Variants in IQCM observed in about 807,000 individuals in gnomAD.
The protein encoded by IQCM is IQ motif containing M.
In IQCM, 45 loss-of-function variants were observed where a neutral mutation model predicts 57.6. The ratio of observed to expected loss-of-function variants is 0.78; its 90% CI spans 0.62 to 1.00. The LOEUF (loss-of-function observed/expected upper bound fraction) is 1.00, where lower values mean the gene tolerates loss of function less well. Ranked by LOEUF, IQCM falls within the 50% of genes least tolerant of loss-of-function variation. The pLI, the probability that IQCM is intolerant of heterozygous loss-of-function variation, is 0.00. For synonymous variants in IQCM, 148 were observed against 158.9 expected, an observed-to-expected ratio of 0.93 and a Z score of 0.51; for missense variants, 468 against 511.6, an observed-to-expected ratio of 0.91 and a Z score of 0.82.
intron 7 of IQCM, among the ~76,000 whole-genome samples, chr4:149,664,679 C>T (rs1760532374): frequency 6.6e-6 from 1 of 152,122 alleles, no homozygotes; most frequent in Admixed American, 6.5e-5. Context: ...AGCATGTTTA[C>T]TCATAACGGA....
chr4:149,655,298 C>T lies in IQCM; in HGVS notation c.565+26820G>A, dbSNP rs550254021. Among the ~76,000 whole-genome samples the T allele has an allele frequency of 3.3e-5, 5 of 152,208 alleles. No homozygotes were observed. In the South Asian group the frequency reaches 1.0e-3, roughly 32 times the overall value. On this transcript the variant is annotated intron_variant, in intron 7 of 13. Coordinates refer to ENST00000636793, the MANE Select transcript of IQCM (RefSeq NM_001363507.2). ...CAGAGTACACAATGAGCAGGAGATA[C>T]CTCAATTTCAGACATAAAAATTCTT...
chr4:149,655,718 TAGTG>T (rs1759580813), intron 7 of IQCM, among the ~76,000 whole-genome samples: 1 of 152,054 alleles, frequency 6.6e-6, no homozygotes, highest in Non-Finnish European at 1.5e-5. Context: ...ATATGTAAAA[TAGTG>T]AGAAACACCA....
chr4:149,673,231 AAC>A (rs1181438156), intron 7 of IQCM, among the ~76,000 whole-genome samples: 1 of 152,176 alleles, frequency 6.6e-6, no homozygotes, highest in Non-Finnish European at 1.5e-5. Flanking sequence ...TGAGCAAAAT[AAC>A]CAGCTAACAT....
intron 7 of IQCM, among the ~76,000 whole-genome samples, chr4:149,632,720 A>T (rs1757373153): frequency 6.6e-6 from 1 of 152,186 alleles, no homozygotes; most frequent in South Asian, 2.1e-4. Context: ...GGAGGAAACT[A>T]GCTTGTGACC....
chr4:149,668,904 T>C (rs1054382123), intron 7 of IQCM, among the ~76,000 whole-genome samples: 2 of 151,936 alleles, frequency 1.3e-5, no homozygotes, highest in Admixed American at 1.3e-4. Flanking sequence ...GAGAAAGGGG[T>C]GAAAAGTGAG....
chr4:149,472,665 A>G (rs1197644864), intron 12 of IQCM, among the ~76,000 whole-genome samples: 1 of 152,168 alleles, frequency 6.6e-6, no homozygotes, highest in Non-Finnish European at 1.5e-5. Context: ...CATTGCCAAG[A>G]CAATCTTAAG....
At position 149,721,387 on chromosome 4, in the gene IQCM, C is replaced by A. The variant is rs145067034; in HGVS notation, c.385+11857G>T. Among the ~76,000 whole-genome samples the A allele has an allele frequency of 5.0e-3, 754 of 152,092 alleles. 3 individuals are homozygous for A. The highest frequency in any genetic ancestry group is 0.017 in the African/African-American group (717 of 41,506). On this transcript the variant is annotated intron_variant, in intron 5 of 13. Transcript: ENST00000636793. ...AAGTCTTGAATTTTAGTGTACCCAT[C>A]ACCCAAATAGTGTACATGGTAATCC...
At chr4:149,561,517 T>C (rs1182402493) in intron 10 of IQCM, among the ~76,000 whole-genome samples, 1 of 152,124 alleles carries the variant, frequency 6.6e-6, no homozygotes, top group Non-Finnish European at 1.5e-5. Context: ...TCAAATACAA[T>C]CAAATACAAT....
chr4:149,627,039 T>C (rs149586123), intron 7 of IQCM, among the ~76,000 whole-genome samples: 1 of 152,274 alleles, frequency 6.6e-6, no homozygotes, highest in East Asian at 1.9e-4. Context: ...ACTTAGACAC[T>C]ACAGCTCCAA....
intron 7 of IQCM, among the ~76,000 whole-genome samples, chr4:149,660,482 G>A (rs1760082645): frequency 6.6e-6 from 1 of 152,090 alleles, no homozygotes; most frequent in South Asian, 2.1e-4. Flanking sequence ...CCATTACTGG[G>A]TATATACCCA....
At chr4:149,664,245 C>T (rs1383239977) in intron 7 of IQCM, among the ~76,000 whole-genome samples, 1 of 151,946 alleles carries the variant, frequency 6.6e-6, no homozygotes, top group African/African-American at 2.4e-5. Flanking sequence ...TTGTATCTCC[C>T]TGAGCTTCCT....
intron 12 of IQCM, among the ~76,000 whole-genome samples, chr4:149,533,367 A>G (rs1375028540): frequency 6.6e-6 from 1 of 152,152 alleles, no homozygotes; most frequent in Non-Finnish European, 1.5e-5. Context: ...TTCATTTCCC[A>G]ACAGCAACAG....
intron 8 of IQCM, among the ~76,000 whole-genome samples, chr4:149,599,531 G>C (rs367803205): frequency 6.6e-6 from 1 of 151,278 alleles, no homozygotes; most frequent in Non-Finnish European, 1.5e-5. Context: ...CTTTTTTTTT[G>C]AGTATTATTC....
At chr4:149,719,688 G>A (rs1200319999) in intron 5 of IQCM, among the ~76,000 whole-genome samples, 3 of 152,138 alleles carry the variant, frequency 2.0e-5, no homozygotes, top group Non-Finnish European at 4.4e-5. Flanking sequence ...ATTTCACACT[G>A]TCTTCTGTGA....
At chr4:149,606,606 C>A (rs977429021) in intron 8 of IQCM, among the ~76,000 whole-genome samples, 2 of 152,076 alleles carry the variant, frequency 1.3e-5, no homozygotes, top group Non-Finnish European at 2.9e-5. Flanking sequence ...AGATATGTGA[C>A]CTTTTAGACA....
chr4:149,614,245 T>A (rs1755579992), intron 8 of IQCM, among the ~76,000 whole-genome samples: 1 of 152,272 alleles, frequency 6.6e-6, no homozygotes, highest in Non-Finnish European at 1.5e-5. Context: ...TTGCTCGTAA[T>A]CCTGTACTTC....
chr4:149,699,695 CAAAAAAAAA>C (rs34250922), intron 5 of IQCM, among the ~76,000 whole-genome samples: 1 of 25,938 alleles, frequency 3.9e-5, no homozygotes, highest in Admixed American at 4.1e-4. Flanking sequence ...GTTTGAGTGG[CAAAAAAAAA>C]AAAAAAAAAA....
At chr4:149,656,689 T>G (rs1759665158) in intron 7 of IQCM, among the ~76,000 whole-genome samples, 1 of 152,170 alleles carries the variant, frequency 6.6e-6, no homozygotes, top group Non-Finnish European at 1.5e-5. Flanking sequence ...GCCTTTGCTC[T>G]GATACTGAGC....
At chr4:149,445,230 C>T (rs147359662) in intron 12 of IQCM, among the ~76,000 whole-genome samples, 3 of 151,762 alleles carry the variant, frequency 2.0e-5, no homozygotes, top group African/African-American at 7.2e-5. Context: ...ATATAAGTGA[C>T]TGAAAAAAAT....
Sources: allele counts gnomAD v4.1 joint callset (sites outside exome capture counted in the v4.1 genomes callset), GRCh38; gene constraint gnomAD v4.1.1; transcripts MANE v1.5; gene names NCBI Gene and HGNC (gene_info 2026-07-23, HGNC 2026-07-21).